Variants in IQSEC3 observed in about 807,000 individuals in gnomAD.
The protein encoded by IQSEC3 is IQ motif and SEC7 domain-containing protein 3.
In IQSEC3, 50 loss-of-function variants were observed where a neutral mutation model predicts 105.4. That is an observed-to-expected ratio of 0.47 (90% CI 0.38 to 0.60). IQSEC3 has a LOEUF of 0.60. Among genes scored for constraint, IQSEC3 ranks in the 20% least tolerant of loss-of-function variants. IQSEC3 has a pLI of 0.00. For missense variants in IQSEC3, 1,415 were observed against 1,630.0 expected (o/e 0.87, Z 2.27); for synonymous variants, 708 against 746.0 (o/e 0.95, Z 0.83).
intron 13 of IQSEC3, among the ~76,000 whole-genome samples, chr12:174,384 C>T (rs1473744402): frequency 1.3e-5 from 2 of 152,146 alleles, no homozygotes; most frequent in East Asian, 3.9e-4. Flanking sequence ...TGCTCACAGT[C>T]AGTGGCAGAA....
chr12:67,483 A>C (rs1478601156), intron 1 of IQSEC3, 47 bp downstream of exon 1: 1 of 1,590,730 alleles, frequency 6.3e-7, no homozygotes, highest in Non-Finnish European at 8.5e-7. Flanking sequence ...GAGCAAGGGA[A>C]GCAAGTGGGT....
intron 5 of IQSEC3, among the ~76,000 whole-genome samples, chr12:155,032 C>A (rs984381154): frequency 6.6e-6 from 1 of 152,230 alleles, no homozygotes; most frequent in Non-Finnish European, 1.5e-5. Context: ...TGGTCACCAG[C>A]CCTGGACAGT....
rs145014866 is a variant in IQSEC3 at position 171,302 on chromosome 12, C to T, written c.3114+141C>T. The stretch of plus-strand genomic sequence containing the variant: ...ACCATTTTACCAATTTCAAGAGATA[C>T]AATTAAAAGTTACTGCTAGCATGGG... On this transcript the variant is annotated intron_variant, in intron 13 of 13. Transcript: ENST00000538872. 212 of 1,614,024 alleles carry T rather than the reference C, an allele frequency of 1.3e-4. No individual in the cohort carries two copies. The African/African-American group carries it at 2.5e-3, about 19-fold the overall frequency.
chr12:122,774 G>A (rs1159497455), intron 2 of IQSEC3, among the ~76,000 whole-genome samples: 1 of 152,140 alleles, frequency 6.6e-6, no homozygotes, highest in Non-Finnish European at 1.5e-5. Flanking sequence ...AAGGGACGTC[G>A]GCACCCAGCA....
At chr12:149,544 C>T (rs541318431) in intron 5 of IQSEC3, among the ~76,000 whole-genome samples, 2 of 152,376 alleles carry the variant, frequency 1.3e-5, no homozygotes, top group East Asian at 3.9e-4. Flanking sequence ...ATCTCTCACT[C>T]ACTCATTCAT....
chr12:114,561 G>A (rs544334537), intron 2 of IQSEC3, among the ~76,000 whole-genome samples: 15 of 152,226 alleles, frequency 9.9e-5, no homozygotes, highest in Non-Finnish European at 1.8e-4. Flanking sequence ...GATCAAAGAA[G>A]CTAAAGACCC....
At chr12:157,250 T>C in intron 6 of IQSEC3, 103 bp downstream of exon 6, 4 of 1,414,508 alleles carry the variant, frequency 2.8e-6, no homozygotes, top group South Asian at 1.5e-5. Flanking sequence ...GGGTTGGACA[T>C]TGGGCCAGAA....
rs767507700 is a variant in IQSEC3, at chr12:174,714, C to T, written c.3230C>T (p.Pro1077Leu). Residue 1077 changes from proline to leucine, a missense_variant, in exon 14 of 14, where the codon CCA (proline) becomes CTA (leucine). By Grantham distance (98) the Pro-to-Leu change is moderately conservative. Transcript: ENST00000538872. ...LQPSPPRQQT[P>L]PLPPPPPTPP... ...CCTAGCCCCCCGAGACAGCAGACCC[C>T]ACCACTGCCGCCGCCGCCACCCACG... 3 of 1,593,630 alleles carry T rather than the reference C, an allele frequency of 1.9e-6. No individual in the cohort carries two copies. The highest frequency in any genetic ancestry group is 1.7e-6 in the Non-Finnish European group (2 of 1,178,264).
intron 13 of IQSEC3, among the ~76,000 whole-genome samples, chr12:172,076 TAC>T (rs1939031074): frequency 6.6e-6 from 1 of 152,106 alleles, no homozygotes; most frequent in Non-Finnish European, 1.5e-5. Flanking sequence ...CGGCTGCTCA[TAC>T]AGACACCTCC....
Position 125,655 on chromosome 12 carries a change from G to A in IQSEC3, c.646G>A (p.Gly216Ser), listed in dbSNP as rs374789572. 2.4e-4 allele frequency: 369 copies of A among 1,524,068 alleles called. No homozygotes were observed. The highest frequency in any genetic ancestry group is 3.0e-4 in the Non-Finnish European group (347 of 1,147,754). 94.4% of individuals were successfully genotyped at this position (1,524,068 alleles called of 1,614,324 possible). ...CAGTGATGGCTCCTGCACCCAGGCC[G>A]GTGGGGGCATGGAGGACTCCGTGGT... Reference protein sequence around the residue: ...SQSDGSCTQAGGGMEDSVVAA... With the variant: ...SQSDGSCTQASGGMEDSVVAA... The change falls in exon 3 of 14, where the codon GGT (glycine) becomes AGT (serine). Residue 216 changes from glycine (G) to serine (S), a missense_variant. Around this residue, in one of 6 missense-constraint regions of IQSEC3, gnomAD observed 720 missense variants for 633.0 expected, o/e 1.14. Transcript: ENST00000538872.
chr12:104,281 C>A (rs1398520032), intron 2 of IQSEC3, among the ~76,000 whole-genome samples: 1 of 152,196 alleles, frequency 6.6e-6, no homozygotes, highest in African/African-American at 2.4e-5. Flanking sequence ...CCAACTCCTA[C>A]ACACAACGTC....
At chr12:134,085 T>C (rs782291549) in intron 3 of IQSEC3, among the ~76,000 whole-genome samples, 3 of 152,212 alleles carry the variant, frequency 2.0e-5, no homozygotes, top group Non-Finnish European at 4.4e-5. Context: ...AAAAAGAGCA[T>C]GTGTAGGGTG....
In IQSEC3 at chr12:171,298, G is replaced by A. The variant is rs782741466; in HGVS notation, c.3114+137G>A. Reference sequence around the variant, plus strand: ...ACTCACCATTTTACCAATTTCAAGAGATACAATTAAAAGTTACTGCTAGCA... The same window carrying A: ...ACTCACCATTTTACCAATTTCAAGAAATACAATTAAAAGTTACTGCTAGCA... On this transcript the variant is annotated intron_variant, in intron 13 of 13. Coordinates refer to ENST00000538872, the MANE Select transcript of IQSEC3 (RefSeq NM_001170738.2). 8.1e-6 allele frequency: 13 copies of A among 1,614,072 alleles called. No individual in the cohort carries two copies. In the South Asian group the frequency reaches 1.3e-4, roughly 16 times the overall value.
At position 107,612 on chromosome 12, in the gene IQSEC3, G is replaced by A. The variant is rs540620288; in HGVS notation, c.623+8398G>A. Reference sequence around the variant, plus strand: ...TTTTTAGTAGAGACGGGGTTTCACTGTGTTAGCCAGGATGGTCTCGATCTC... The same window carrying A: ...TTTTTAGTAGAGACGGGGTTTCACTATGTTAGCCAGGATGGTCTCGATCTC... On this transcript the variant is annotated intron_variant, in intron 2 of 13. Coordinates refer to ENST00000538872, the MANE Select transcript of IQSEC3 (RefSeq NM_001170738.2). 6.5e-4 allele frequency among the ~76,000 whole-genome samples: 98 copies of A among 151,104 alleles called. 1 individual carries two copies. Among genetic ancestry groups the A allele is most frequent in the Non-Finnish European group, 2.5e-4 (17 of 67,736 alleles).
intron 1 of IQSEC3, among the ~76,000 whole-genome samples, chr12:71,143 G>C (rs536803048): frequency 5.1e-4 from 78 of 152,390 alleles, no homozygotes; most frequent in African/African-American, 1.9e-3. Context: ...GGGATAGCTA[G>C]AAGAGTTCTG....
intron 1 of IQSEC3, among the ~76,000 whole-genome samples, chr12:77,913 G>A (rs1242546864): frequency 6.6e-6 from 1 of 151,482 alleles, no homozygotes; most frequent in Admixed American, 6.6e-5. Context: ...CGGGCCGGCT[G>A]GCAGCCGGCA....
At chr12:157,218 G>A in intron 6 of IQSEC3, 71 bp downstream of exon 6, 1 of 1,454,656 alleles carries the variant, frequency 6.9e-7, no homozygotes, top group South Asian at 1.5e-5. Flanking sequence ...GTGAGCCTGG[G>A]AGACAGGAGA....
intron 1 of IQSEC3, among the ~76,000 whole-genome samples, chr12:95,587 T>G (rs1489800908): frequency 1.3e-5 from 2 of 152,226 alleles, no homozygotes; most frequent in Admixed American, 1.3e-4. Context: ...CCATGTTTTT[T>G]CCCTGCTCTC....
intron 13 of IQSEC3, among the ~76,000 whole-genome samples, chr12:173,557 C>G (rs1414173288): frequency 6.6e-6 from 1 of 152,174 alleles, no homozygotes; most frequent in Non-Finnish European, 1.5e-5. Context: ...TTCCCTTTCC[C>G]TCTGTGCTCT....
Sources: allele counts gnomAD v4.1 joint callset (sites outside exome capture counted in the v4.1 genomes callset), GRCh38; gene constraint gnomAD v4.1.1; regional missense constraint gnomAD v4.1.1; transcripts MANE v1.5; gene names NCBI Gene and HGNC (gene_info 2026-07-23, HGNC 2026-07-21).